ARHGAP18: variants seen among roughly 807,000 people sequenced by gnomAD.
ARHGAP18 encodes the protein Rho GTPase activating protein 18.
A neutral mutation model predicts 86.2 loss-of-function variants in ARHGAP18; 67 were observed. The ratio of observed to expected loss-of-function variants is 0.78; its 90% CI spans 0.64 to 0.95. The LOEUF (loss-of-function observed/expected upper bound fraction) is 0.95, where lower values mean the gene tolerates loss of function less well. ARHGAP18 is among the 40% of genes least tolerant of loss of function. The probability of loss-of-function intolerance (pLI) is 0.00; values close to 1 mark genes in which losing one functional copy is unlikely to be tolerated. For missense variants in ARHGAP18, 691 were observed against 780.4 expected (o/e 0.89, Z 1.37); for synonymous variants, 283 against 280.4 (o/e 1.01, Z -0.09).
At chr6:129,586,851 G>C (rs75913649) in intron 12 of ARHGAP18, among the ~76,000 whole-genome samples, 1 of 151,892 alleles carries the variant, frequency 6.6e-6, no homozygotes, top group East Asian at 1.9e-4. Flanking sequence ...CTTTGTGTAC[G>C]TTCTACTCCC....
chr6:129,594,903 T>A (rs1321777294), intron 12 of ARHGAP18, among the ~76,000 whole-genome samples: 1 of 152,170 alleles, frequency 6.6e-6, no homozygotes, highest in African/African-American at 2.4e-5. Context: ...TTACCACCCA[T>A]AAGCCCAGAG....
intron 5 of ARHGAP18, among the ~76,000 whole-genome samples, chr6:129,625,673 TATTA>T (rs1789413895): frequency 5.7e-5 from 1 of 17,646 alleles, no homozygotes; most frequent in Admixed American, 1.1e-3. Context: ...ATTTATATTA[TATTA>T]TATATATTTA....
chr6:129,605,618 C>T (rs1323125386), intron 10 of ARHGAP18, among the ~76,000 whole-genome samples: 4 of 151,834 alleles, frequency 2.6e-5, no homozygotes, highest in Admixed American at 2.0e-4. Flanking sequence ...TTTCCATTAA[C>T]CGACGAACCT....
Position 129,641,840 on chromosome 6 carries a change from C to A in ARHGAP18, c.292G>T (p.Val98Leu), listed in dbSNP as rs777450768. The change falls in exon 2 of 15, where the codon GTG (valine) becomes TTG (leucine). Residue 98 changes from valine to leucine, a missense_variant. By Grantham distance (32) the Val-to-Leu change is conservative. Coordinates refer to ENST00000368149, the MANE Select transcript of ARHGAP18 (RefSeq NM_033515.3). ...SSENSQEDQE[V>L]VVVKEPDEGE... is the part of the protein sequence containing the mutation. ...CCATCAGGCTCTTTGACAACAACCA[C>A]CTCTTGATCTTCTTGGCTGTTTTCA... The A allele has an allele frequency of 7.4e-6, 12 of 1,613,736 alleles. No homozygotes were observed. Among genetic ancestry groups the A allele is most frequent in the Non-Finnish European group, 1.0e-5 (12 of 1,179,840 alleles).
At chr6:129,579,699 T>C (rs1298370307) in intron 14 of ARHGAP18, among the ~76,000 whole-genome samples, 1 of 152,234 alleles carries the variant, frequency 6.6e-6, no homozygotes, top group Non-Finnish European at 1.5e-5. Flanking sequence ...AAATATCTAA[T>C]ACTGTACTAT....
intron 7 of ARHGAP18, among the ~76,000 whole-genome samples, chr6:129,614,330 G>T (rs989757752): frequency 3.3e-5 from 5 of 152,016 alleles, no homozygotes; most frequent in Admixed American, 6.5e-5. Context: ...TTTTGTGATA[G>T]ATCACTGTGA....
At chr6:129,687,967 T>C (rs183768682) in intron 1 of ARHGAP18, among the ~76,000 whole-genome samples, 1 of 152,264 alleles carries the variant, frequency 6.6e-6, no homozygotes, top group Non-Finnish European at 1.5e-5. Flanking sequence ...CCCACTACAG[T>C]GTCAATCCAT....
intron 8 of ARHGAP18, among the ~76,000 whole-genome samples, chr6:129,609,105 G>A (rs866037164): frequency 7.2e-6 from 1 of 139,584 alleles, no homozygotes; most frequent in Middle Eastern, 3.6e-3. Flanking sequence ...AGAATGAGGG[G>A]GGAAAGAATG....
intron 1 of ARHGAP18, among the ~76,000 whole-genome samples, chr6:129,643,993 A>G (rs985319422): frequency 3.3e-5 from 5 of 152,222 alleles, no homozygotes; most frequent in Admixed American, 2.6e-4. Flanking sequence ...TTATTCCTTT[A>G]AAGATGATTC....
At chr6:129,638,304 T>G (rs1343442304) in intron 3 of ARHGAP18, 90 bp downstream of exon 3, 13 of 1,286,570 alleles carry the variant, frequency 1.0e-5, no homozygotes, top group African/African-American at 1.5e-5. Flanking sequence ...AGGTGATCAT[T>G]ACGTTTTTAA....
intron 7 of ARHGAP18, among the ~76,000 whole-genome samples, chr6:129,615,597 C>T (rs1188766588): frequency 2.0e-5 from 3 of 152,300 alleles, no homozygotes; most frequent in African/African-American, 7.2e-5. Context: ...TAGTTCACAA[C>T]TGAGTTGACC....
chr6:129,649,062 C>T (rs1306650830), intron 1 of ARHGAP18, among the ~76,000 whole-genome samples: 1 of 152,200 alleles, frequency 6.6e-6, no homozygotes, highest in African/African-American at 2.4e-5. Flanking sequence ...TACCACATCA[C>T]TCGCCCCACA....
chr6:129,611,742 G>A (rs1049060132), intron 7 of ARHGAP18, 132 bp from the exon 8 acceptor site: 3 of 681,100 alleles, frequency 4.4e-6, no homozygotes, highest in Non-Finnish European at 4.9e-6. Context: ...GGTTTTGAAT[G>A]CTATTTTACT....
At chr6:129,583,703 G>T (rs762109186) in intron 13 of ARHGAP18, among the ~76,000 whole-genome samples, 1 of 152,030 alleles carries the variant, frequency 6.6e-6, no homozygotes, top group Non-Finnish European at 1.5e-5. Context: ...GAGTGGTCTC[G>T]CTTGGCAAGC....
chr6:129,666,923 C>A (rs375255483), intron 1 of ARHGAP18, among the ~76,000 whole-genome samples: 13 of 152,202 alleles, frequency 8.5e-5, no homozygotes, highest in African/African-American at 2.6e-4. Flanking sequence ...ATAGCACTTC[C>A]TTTAAATCTG....
chr6:129,690,231 T>C (rs1289291938), intron 1 of ARHGAP18, among the ~76,000 whole-genome samples: 4 of 152,166 alleles, frequency 2.6e-5, no homozygotes, highest in Non-Finnish European at 5.9e-5. Context: ...TATCTTCACA[T>C]ACATGCAGTG....
intron 1 of ARHGAP18, among the ~76,000 whole-genome samples, chr6:129,685,905 C>G (rs1343799707): frequency 1.3e-5 from 2 of 152,156 alleles, no homozygotes; most frequent in Admixed American, 6.5e-5. Flanking sequence ...CTTTTTGCAA[C>G]AACCCTGCCT....
At chr6:129,580,294 T>C (rs1788262030) in intron 13 of ARHGAP18, among the ~76,000 whole-genome samples, 163 bp from the exon 14 acceptor site, 2 of 152,192 alleles carry the variant, frequency 1.3e-5, no homozygotes, top group East Asian at 1.9e-4. Flanking sequence ...ATGTACCCAA[T>C]AGGTAATAAA....
intron 14 of ARHGAP18, among the ~76,000 whole-genome samples, chr6:129,578,987 TA>T (rs925326001): frequency 7.6e-4 from 111 of 146,618 alleles, no homozygotes; most frequent in African/African-American, 2.5e-3. Flanking sequence ...ATAATAATAA[TA>T]AAAAAAAAAC....
Sources: allele counts gnomAD v4.1 joint callset (sites outside exome capture counted in the v4.1 genomes callset), GRCh38; gene constraint gnomAD v4.1.1; transcripts MANE v1.5; gene names NCBI Gene and HGNC (gene_info 2026-07-23, HGNC 2026-07-21).